Variants in LRRC7 observed in about 807,000 individuals in gnomAD.
LRRC7 encodes the protein leucine-rich repeat-containing protein 7.
A neutral mutation model predicts 175.7 loss-of-function variants in LRRC7; 23 were observed. The observed-to-expected ratio is 0.13, with a 90% CI of 0.09 to 0.19. The LOEUF (loss-of-function observed/expected upper bound fraction) is 0.19. Ranked by LOEUF, LRRC7 falls within the 10% of genes least tolerant of loss-of-function variation. The pLI is 1.00. For missense variants in LRRC7, 1,354 were observed against 1,904.7 expected, an observed-to-expected ratio of 0.71 and a Z score of 5.38; for synonymous variants, 685 against 680.9, an observed-to-expected ratio of 1.01 and a Z score of -0.09.
chr1:69,648,512 T>C (rs1216645681), intron 1 of LRRC7, among the ~76,000 whole-genome samples: 3 of 152,188 alleles, frequency 2.0e-5, no homozygotes, highest in Non-Finnish European at 2.9e-5. Context: ...AGACACTGGT[T>C]GGAGAAGAAA....
At chr1:69,666,984 A>T (rs572502521) in intron 1 of LRRC7, among the ~76,000 whole-genome samples, 1 of 152,160 alleles carries the variant, frequency 6.6e-6, no homozygotes, top group Admixed American at 6.5e-5. Context: ...GCTTTATCCC[A>T]TAGGTTTTGG....
intron 2 of LRRC7, among the ~76,000 whole-genome samples, chr1:69,715,602 ATAAC>A (rs1665251958): frequency 6.6e-6 from 1 of 152,054 alleles, no homozygotes; most frequent in Non-Finnish European, 1.5e-5. Context: ...TGCACATATA[ATAAC>A]TAACCAATGT....
chr1:70,087,666 A>G (rs946741538), intron 24 of LRRC7, among the ~76,000 whole-genome samples: 1 of 152,180 alleles, frequency 6.6e-6, no homozygotes, highest in Non-Finnish European at 1.5e-5. Flanking sequence ...TAACAAATCT[A>G]GCTCAATTGA....
intron 8 of LRRC7, among the ~76,000 whole-genome samples, chr1:69,949,646 C>A (rs1649712937): frequency 6.6e-6 from 1 of 152,064 alleles, no homozygotes. Context: ...TATTGATGGG[C>A]ATCTTTGTTG....
chr1:69,780,107 A>G (rs1461105535), intron 3 of LRRC7, among the ~76,000 whole-genome samples: 1 of 152,176 alleles, frequency 6.6e-6, no homozygotes. Context: ...CTGTCTGTTC[A>G]TAGGTGCCAA....
chr1:69,799,106 T>TTG (rs1439017165), intron 4 of LRRC7, among the ~76,000 whole-genome samples: 1 of 151,458 alleles, frequency 6.6e-6, no homozygotes, highest in African/African-American at 2.4e-5. Flanking sequence ...ATGCTAGTTT[T>TTG]TTTTTTTTTT....
intron 2 of LRRC7, among the ~76,000 whole-genome samples, chr1:69,684,197 G>T (rs941676924): frequency 2.0e-5 from 3 of 152,178 alleles, no homozygotes; most frequent in African/African-American, 4.8e-5. Flanking sequence ...TGAGCAGCAA[G>T]AACTCCCTCT....
chr1:69,618,787 C>A (rs981411240), intron 1 of LRRC7, among the ~76,000 whole-genome samples: 1 of 152,152 alleles, frequency 6.6e-6, no homozygotes, highest in Non-Finnish European at 1.5e-5. Context: ...GCTATAGGAT[C>A]CTGTAAACTG....
chr1:69,583,966 C>T (rs1646302988), intron 1 of LRRC7, among the ~76,000 whole-genome samples: 1 of 152,082 alleles, frequency 6.6e-6, no homozygotes, highest in African/African-American at 2.4e-5. Context: ...CTGTGCCCAG[C>T]TAAATAAGCA....
In LRRC7 at chr1:69,851,487, G is replaced by A. The variant is rs1407183254; in HGVS notation, c.647+13204G>A. 2.0e-5 allele frequency among the ~76,000 whole-genome samples: 3 copies of A among 152,120 alleles called. No homozygotes were observed. In the East Asian group the frequency reaches 5.8e-4, roughly 29 times the overall value. Reference sequence around the variant, plus strand: ...AATTACCAGAAGAAATGCTTGAAGAGGTGAGGGAATGGGATGTAGAGCACA... The same window carrying A: ...AATTACCAGAAGAAATGCTTGAAGAAGTGAGGGAATGGGATGTAGAGCACA... On this transcript the variant is annotated intron_variant, in intron 7 of 26. Transcript: ENST00000651989.
At chr1:69,869,095 G>A (rs1190382398) in intron 7 of LRRC7, among the ~76,000 whole-genome samples, 5 of 151,884 alleles carry the variant, frequency 3.3e-5, no homozygotes, top group Non-Finnish European at 1.5e-5. Context: ...GAATTTTGAG[G>A]GAACACAACT....
At chr1:70,007,351 C>T (rs578172459) in intron 11 of LRRC7, among the ~76,000 whole-genome samples, 3 of 152,170 alleles carry the variant, frequency 2.0e-5, no homozygotes, top group East Asian at 3.9e-4. Flanking sequence ...TCACAGGGAT[C>T]GTAAAAATGA....
chr1:69,985,670 T>A (rs949356216), intron 9 of LRRC7, among the ~76,000 whole-genome samples: 1 of 152,188 alleles, frequency 6.6e-6, no homozygotes, highest in Admixed American at 6.5e-5. Flanking sequence ...GAAACCCTAC[T>A]CAACTTTCTA....
At chr1:69,720,136 A>G (rs1194124363) in intron 2 of LRRC7, among the ~76,000 whole-genome samples, 1 of 151,706 alleles carries the variant, frequency 6.6e-6, no homozygotes, top group Non-Finnish European at 1.5e-5. Flanking sequence ...GTTTATATCT[A>G]TCATGTTACT....
chr1:69,624,727 A>C (rs1396349876), intron 1 of LRRC7, among the ~76,000 whole-genome samples: 1 of 152,114 alleles, frequency 6.6e-6, no homozygotes, highest in Non-Finnish European at 1.5e-5. Context: ...CAATATGACT[A>C]TCCAATTCAC....
intron 8 of LRRC7, among the ~76,000 whole-genome samples, chr1:69,968,317 C>G (rs1188329948): frequency 6.6e-6 from 1 of 152,024 alleles, no homozygotes; most frequent in Non-Finnish European, 1.5e-5. Context: ...TGTTAAACGA[C>G]CAAACCTAAG....
At chr1:69,899,940 A>G (rs1028100548) in intron 7 of LRRC7, among the ~76,000 whole-genome samples, 1 of 152,196 alleles carries the variant, frequency 6.6e-6, no homozygotes, top group Non-Finnish European at 1.5e-5. Context: ...TAAATGACCC[A>G]GTCCGTGGTA....
chr1:69,834,958 A>C, intron 6 of LRRC7, 89 bp downstream of exon 6: 3 of 970,116 alleles, frequency 3.1e-6, no homozygotes, highest in South Asian at 1.4e-5. Context: ...CAAAAGTGTC[A>C]GTTGTGATTA....
At chr1:69,791,000 A>C (rs979023007) in intron 3 of LRRC7, among the ~76,000 whole-genome samples, 1 of 152,024 alleles carries the variant, frequency 6.6e-6, no homozygotes, top group African/African-American at 2.4e-5. Context: ...TTGCCTGTAA[A>C]TAACGAATTA....
Sources: gnomAD v4.1 joint callset for allele counts (sites outside exome capture counted in the v4.1 genomes callset) on GRCh38, gnomAD v4.1.1 for gene constraint, MANE v1.5 for transcripts, NCBI Gene and HGNC (gene_info 2026-07-23, HGNC 2026-07-21) for gene names.